The following KIF16B variants were observed in gnomAD, a reference collection of about 807,000 sequenced individuals.
KIF16B encodes kinesin family member 16B.
KIF16B carries 98 observed loss-of-function variants against 156.3 expected under a neutral mutation model. That is an observed-to-expected ratio of 0.63 (90% CI 0.53 to 0.74). The LOEUF is 0.74. Among genes scored for constraint, KIF16B ranks in the 30% least tolerant of loss-of-function variants. The probability of loss-of-function intolerance (pLI) is 0.00; values close to 1 mark genes in which losing one functional copy is unlikely to be tolerated. For missense variants in KIF16B, 1,421 were observed against 1,606.5 expected, an observed-to-expected ratio of 0.88 and a Z score of 1.97; for synonymous variants, 564 against 583.7, an observed-to-expected ratio of 0.97 and a Z score of 0.49.
intron 23 of KIF16B, among the ~76,000 whole-genome samples, chr20:16,348,385 C>A (rs930119078): frequency 2.6e-5 from 4 of 152,200 alleles, no homozygotes; most frequent in African/African-American, 9.6e-5. Context: ...TTGGGCAAGT[C>A]ATTCATAATT....
At position 16,484,942 on chromosome 20, in the gene KIF16B, A is replaced by C. The variant is rs1401394803; in HGVS notation, c.1302+9349T>G. On this transcript the variant is annotated intron_variant, in intron 12 of 25. Coordinates refer to ENST00000354981, the MANE Select transcript of KIF16B (RefSeq NM_024704.5). Reference sequence around the variant, plus strand: ...TGCTCGTGGCAGATTTTTTTGCAAAAAATGACAAGAATTATTGATCTGCCT... The same window carrying C: ...TGCTCGTGGCAGATTTTTTTGCAAACAATGACAAGAATTATTGATCTGCCT... Among the ~76,000 whole-genome samples, 4 of 152,186 alleles carry C rather than the reference A, an allele frequency of 2.6e-5. No homozygotes were observed. The South Asian group carries it at 6.2e-4, about 24-fold the overall frequency.
intron 23 of KIF16B, among the ~76,000 whole-genome samples, chr20:16,346,970 T>C (rs770124648): frequency 8.5e-5 from 13 of 152,164 alleles, no homozygotes; most frequent in Admixed American, 3.3e-4. Flanking sequence ...AATGAAAAGC[T>C]CTGAATTAAC....
chr20:16,558,749 C>G (rs1600697847), intron 1 of KIF16B, among the ~76,000 whole-genome samples: 1 of 152,056 alleles, frequency 6.6e-6, no homozygotes, highest in African/African-American at 2.4e-5. Flanking sequence ...ATTAAAAATA[C>G]AAAATTTAGC....
At chr20:16,489,304 C>T (rs920520583) in intron 12 of KIF16B, among the ~76,000 whole-genome samples, 1 of 152,062 alleles carries the variant, frequency 6.6e-6, no homozygotes, top group African/African-American at 2.4e-5. Context: ...CACAGGGATC[C>T]AGGAGCCCAG....
intron 22 of KIF16B, chr20:16,367,463 G>T: frequency 6.2e-7 from 1 of 1,612,850 alleles, no homozygotes. Context: ...TTTCGAGATC[G>T]AATGCGTGGA....
intron 22 of KIF16B, chr20:16,367,266 C>T (rs542186559): frequency 1.9e-6 from 3 of 1,612,822 alleles, no homozygotes; most frequent in East Asian, 4.5e-5. Context: ...TGGTGAACAA[C>T]TGGACATTTG....
rs2065035540 is a variant in KIF16B, at chr20:16,379,481, T to C, written c.2521A>G (p.Lys841Glu). The change falls in exon 19 of 26, where the codon AAG (lysine) becomes GAG (glutamate). Residue 841 changes from lysine (K) to glutamate (E), a missense_variant. Coordinates refer to ENST00000354981, the MANE Select transcript of KIF16B (RefSeq NM_024704.5). ...ATGTCTTTCTGCTGAACCAGGTCCT[T>C]CTCCAAGTTCACTAGCTTGACAAGC... is the stretch of plus-strand genomic sequence containing the variant. Reference protein sequence around the residue: ...RQLVKLVNLEKDLVQQKDILK... With the variant: ...RQLVKLVNLEEDLVQQKDILK... The C allele has an allele frequency of 6.2e-7, 1 of 1,614,036 alleles. No homozygotes were observed. The highest frequency in any genetic ancestry group is 1.7e-5 in the Admixed American group (1 of 60,012).
At chr20:16,293,038 C>G (rs1345168775) in intron 25 of KIF16B, among the ~76,000 whole-genome samples, 1 of 152,036 alleles carries the variant, frequency 6.6e-6, no homozygotes, top group Admixed American at 6.6e-5. Context: ...ATAGAAAATA[C>G]AGGAGACAGA....
intron 24 of KIF16B, among the ~76,000 whole-genome samples, chr20:16,314,111 G>A (rs372655583): frequency 2.0e-5 from 3 of 152,150 alleles, no homozygotes; most frequent in Non-Finnish European, 4.4e-5. Flanking sequence ...TACAGTGGTC[G>A]TCCTTCTTAG....
intron 25 of KIF16B, 84 bp downstream of exon 25, chr20:16,312,251 A>T: frequency 1.1e-6 from 1 of 929,896 alleles, no homozygotes; most frequent in Non-Finnish European, 1.7e-6. Context: ...GAAGAAATTT[A>T]ATAGTATTTA....
rs556717822 is a variant in KIF16B at position 16,423,867 on chromosome 20, T to G, written c.1612+3237A>C. On this transcript the variant is annotated intron_variant, in intron 15 of 25. Coordinates refer to ENST00000354981, the MANE Select transcript of KIF16B (RefSeq NM_024704.5). ...GAAGGGGTTGTCAGTGAATCGTGTT[T>G]TAACTGTGTATCTTCCCATTACTCC... Among the ~76,000 whole-genome samples, 3 of 152,130 alleles carry G rather than the reference T, an allele frequency of 2.0e-5. No individual in the cohort carries two copies. In the East Asian group the frequency reaches 5.8e-4, roughly 30 times the overall value.
intron 8 of KIF16B, 79 bp downstream of exon 8, chr20:16,505,943 C>T: frequency 9.4e-6 from 15 of 1,604,098 alleles, no homozygotes; most frequent in Non-Finnish European, 1.3e-5. Flanking sequence ...GAAGAAATTA[C>T]CTCAGTTTGC....
intron 12 of KIF16B, 123 bp downstream of exon 12, chr20:16,494,168 G>T: frequency 1.6e-6 from 1 of 627,118 alleles, no homozygotes. Flanking sequence ...GTCACTAATT[G>T]GTTCCAGTGA....
At chr20:16,353,075 A>G (rs2064370991) in intron 23 of KIF16B, among the ~76,000 whole-genome samples, 1 of 152,232 alleles carries the variant, frequency 6.6e-6, no homozygotes, top group East Asian at 1.9e-4. Context: ...AAAGTGTAAT[A>G]ATATATCTAT....
chr20:16,369,295 T>C (rs985452450), intron 22 of KIF16B: 1 of 985,642 alleles, frequency 1.0e-6, no homozygotes, highest in African/African-American at 1.7e-5. Flanking sequence ...AAAGTTGAAA[T>C]GGGGATGTGG....
intron 25 of KIF16B, among the ~76,000 whole-genome samples, chr20:16,308,566 A>T (rs1455839501): frequency 1.3e-5 from 2 of 152,212 alleles, no homozygotes; most frequent in Non-Finnish European, 2.9e-5. Context: ...TACCTTTGTG[A>T]CCCTCTTTCT....
intron 12 of KIF16B, among the ~76,000 whole-genome samples, chr20:16,460,796 G>GA (rs1400023776): frequency 6.6e-6 from 1 of 151,802 alleles, no homozygotes; most frequent in Non-Finnish European, 1.5e-5. Context: ...TAGAAACACT[G>GA]AAAAAAACAG....
chr20:16,369,402 G>A (rs1461799011), intron 22 of KIF16B: 1 of 445,440 alleles, frequency 2.2e-6, no homozygotes, highest in Non-Finnish European at 3.0e-6. Flanking sequence ...TAAGCCATTT[G>A]TATTGATACA....
chr20:16,489,768 G>A (rs904452762), intron 12 of KIF16B, among the ~76,000 whole-genome samples: 1 of 151,486 alleles, frequency 6.6e-6, no homozygotes. Flanking sequence ...TATAAAATAC[G>A]GATTCTGATC....
Sources: gnomAD v4.1 joint callset for allele counts (sites outside exome capture counted in the v4.1 genomes callset) on GRCh38, gnomAD v4.1.1 for gene constraint, MANE v1.5 for transcripts, NCBI Gene and HGNC (gene_info 2026-07-23, HGNC 2026-07-21) for gene names.